MAP4K3: variants seen among roughly 807,000 people sequenced by gnomAD.
MAP4K3 encodes MAPK/ERK kinase kinase kinase 3.
A neutral mutation model predicts 143.5 loss-of-function variants in MAP4K3; 94 were observed. That is an observed-to-expected ratio of 0.65 (90% CI 0.55 to 0.78). MAP4K3 has a LOEUF of 0.78. Ranked by LOEUF, MAP4K3 falls within the 30% of genes least tolerant of loss-of-function variation. The pLI is 0.00. For missense variants in MAP4K3, 1,077 were observed against 1,068.1 expected (o/e 1.01, Z -0.12); for synonymous variants, 416 against 347.2 (o/e 1.20, Z -2.20).
chr2:39,282,574 A>T lies in MAP4K3; in HGVS notation c.1588-20T>A. 1 of 1,591,244 alleles carries T rather than the reference A, an allele frequency of 6.3e-7. No homozygotes were observed. The highest frequency in any genetic ancestry group is 8.6e-7 in the Non-Finnish European group (1 of 1,162,284). ...AGGCTTCTAGAAAAAGAACACATGTATGATTACACTTTTTTTGCTGCTGTT... is the reference window on the plus strand; with the variant it reads ...AGGCTTCTAGAAAAAGAACACATGTTTGATTACACTTTTTTTGCTGCTGTT... On this transcript the variant is annotated intron_variant, in intron 21 of 33. Transcript: ENST00000263881.
intron 24 of MAP4K3, among the ~76,000 whole-genome samples, chr2:39,277,353 C>A (rs1239792088): frequency 6.6e-6 from 1 of 152,248 alleles, no homozygotes; most frequent in Non-Finnish European, 1.5e-5. Context: ...TAAGGTCCAT[C>A]TCAAATGCCT....
At chr2:39,402,167 A>T (rs939916896) in intron 1 of MAP4K3, among the ~76,000 whole-genome samples, 1 of 152,192 alleles carries the variant, frequency 6.6e-6, no homozygotes, top group Non-Finnish European at 1.5e-5. Flanking sequence ...ATTAAACTAC[A>T]ATGGATAGAA....
intron 19 of MAP4K3, among the ~76,000 whole-genome samples, chr2:39,289,693 T>C (rs902378342): frequency 1.3e-4 from 20 of 152,224 alleles, no homozygotes; most frequent in African/African-American, 4.6e-4. Flanking sequence ...AAAAACAATC[T>C]TGTAAGAAAT....
chr2:39,426,819 G>C (rs934550583), intron 1 of MAP4K3, among the ~76,000 whole-genome samples: 3 of 151,880 alleles, frequency 2.0e-5, no homozygotes, highest in Non-Finnish European at 2.9e-5. Context: ...ACAGAATAAA[G>C]AGAAAAATCA....
intron 1 of MAP4K3, among the ~76,000 whole-genome samples, chr2:39,392,038 G>A (rs1044193537): frequency 6.6e-6 from 1 of 151,766 alleles, no homozygotes; most frequent in Admixed American, 6.6e-5. Flanking sequence ...AAAATTAGCT[G>A]GGCATGGTAG....
At chr2:39,262,981 T>C (rs1680626201) in intron 28 of MAP4K3, among the ~76,000 whole-genome samples, 1 of 151,948 alleles carries the variant, frequency 6.6e-6, no homozygotes, top group East Asian at 2.0e-4. Context: ...TAATCCCAGC[T>C]ACTCGGGAGG....
chr2:39,375,352 A>G (rs1666189757), intron 2 of MAP4K3, among the ~76,000 whole-genome samples: 2 of 152,120 alleles, frequency 1.3e-5, no homozygotes, highest in South Asian at 4.1e-4. Flanking sequence ...ACCGGAGTCT[A>G]CTCAGTTCTC....
At chr2:39,434,622 C>T (rs1231776546) in intron 1 of MAP4K3, among the ~76,000 whole-genome samples, 2 of 152,216 alleles carry the variant, frequency 1.3e-5, no homozygotes, top group African/African-American at 2.4e-5. Flanking sequence ...AATACATTAT[C>T]TGCCCATCTC....
chr2:39,332,346 T>C (rs539974572), intron 7 of MAP4K3, among the ~76,000 whole-genome samples: 2 of 152,114 alleles, frequency 1.3e-5, no homozygotes, highest in Admixed American at 6.5e-5. Flanking sequence ...GGAATATCAC[T>C]GGAAGGGATC....
chr2:39,324,924 G>A (rs1683436282), intron 12 of MAP4K3, among the ~76,000 whole-genome samples: 1 of 152,140 alleles, frequency 6.6e-6, no homozygotes, highest in South Asian at 2.1e-4. Context: ...TTTAGTCACT[G>A]GCAAAGTCAA....
At chr2:39,397,926 T>C (rs963571107) in intron 1 of MAP4K3, among the ~76,000 whole-genome samples, 7 of 152,130 alleles carry the variant, frequency 4.6e-5, no homozygotes, top group Non-Finnish European at 8.8e-5. Context: ...ACAAAAAATA[T>C]ACAGTGAGAT....
In MAP4K3 at chr2:39,437,121, G is replaced by GCCGCCA; in HGVS notation, c.-135_-134insTGGCGG. 2.5e-6 allele frequency: 1 copy of GCCGCCA among 393,060 alleles called. No homozygotes were observed. Among genetic ancestry groups the GCCGCCA allele is most frequent in the Non-Finnish European group, 4.3e-6 (1 of 230,338 alleles). The allele number at this position is 393,060 out of a possible 1,614,324, so 24.3% of individuals were successfully genotyped here. A position where few individuals can be genotyped will look rare whatever the true frequency, so the allele number is the denominator to read the frequency against. On this transcript the variant is annotated 5_prime_UTR_variant, in exon 1 of 34. Coordinates refer to ENST00000263881, the MANE Select transcript of MAP4K3 (RefSeq NM_003618.4). ...CACAATCACCCGGCTCCACGCTGCG[G>GCCGCCA]CCGCCGCCGCCGCCGCCGCTCCCCT...
chr2:39,312,373 T>C (rs914345083), intron 13 of MAP4K3, among the ~76,000 whole-genome samples: 8 of 151,912 alleles, frequency 5.3e-5, no homozygotes, highest in African/African-American at 1.2e-4. Flanking sequence ...ACAGCCACAA[T>C]ATATTACATT....
intron 1 of MAP4K3, among the ~76,000 whole-genome samples, chr2:39,417,945 G>A (rs1057229705): frequency 1.3e-5 from 2 of 152,172 alleles, no homozygotes; most frequent in Non-Finnish European, 2.9e-5. Context: ...GCTCACACCT[G>A]TAATCTGAGC....
chr2:39,358,380 A>G (rs1665671527), intron 2 of MAP4K3, among the ~76,000 whole-genome samples: 2 of 152,248 alleles, frequency 1.3e-5, no homozygotes, highest in Non-Finnish European at 2.9e-5. Context: ...ACAGCACCAC[A>G]TAATTCCTTT....
rs1484144386 is a variant in MAP4K3 at position 39,333,519 on chromosome 2, C to A, written c.457+13G>T. ...ATAGATTTGTGCACGTGACAAAATT[C>A]CAATTTACTTACCCAATTTCACATG... On this transcript the variant is annotated intron_variant, in intron 7 of 33. Transcript: ENST00000263881. The A allele has an allele frequency of 1.9e-6, 3 of 1,596,998 alleles. No homozygotes were observed. Among genetic ancestry groups the A allele is most frequent in the South Asian group, 2.2e-5 (2 of 90,132 alleles).
intron 1 of MAP4K3, among the ~76,000 whole-genome samples, chr2:39,406,292 GA>G (rs1667090899): frequency 6.6e-6 from 1 of 152,164 alleles, no homozygotes; most frequent in African/African-American, 2.4e-5. Context: ...AGGAGGTAGA[GA>G]AAGAGACAGG....
intron 15 of MAP4K3, among the ~76,000 whole-genome samples, chr2:39,300,771 T>C (rs538425274): frequency 6.6e-6 from 1 of 152,346 alleles, no homozygotes; most frequent in South Asian, 2.1e-4. Context: ...TATCTGCAGC[T>C]TTCTCTAAGT....
chr2:39,392,662 C>T (rs980378864), intron 1 of MAP4K3, among the ~76,000 whole-genome samples: 5 of 152,152 alleles, frequency 3.3e-5, no homozygotes, highest in Non-Finnish European at 7.4e-5. Flanking sequence ...AACTGAATCC[C>T]CAATGTAATA....
Sources: allele counts gnomAD v4.1 joint callset (sites outside exome capture counted in the v4.1 genomes callset), GRCh38; gene constraint gnomAD v4.1.1; transcripts MANE v1.5; gene names NCBI Gene and HGNC (gene_info 2026-07-23, HGNC 2026-07-21).